The following LETM1 variants were observed in gnomAD, a reference collection of about 807,000 sequenced individuals.
The protein encoded by LETM1 is leucine zipper and EF-hand containing transmembrane protein 1.
LETM1 carries 50 observed loss-of-function variants against 74.5 expected under a neutral mutation model. That is an observed-to-expected ratio of 0.67 (90% CI 0.53 to 0.85). The LOEUF (loss-of-function observed/expected upper bound fraction) is 0.85. LETM1 is among the 40% of genes least tolerant of loss of function. The probability of loss-of-function intolerance (pLI) is 0.00; values close to 1 mark genes in which losing one functional copy is unlikely to be tolerated. For synonymous variants in LETM1, 446 were observed against 407.1 expected (o/e 1.10, Z -1.15); for missense variants, 824 against 967.8 (o/e 0.85, Z 1.97).
At chr4:1,842,284 G>A (rs1018039233) in intron 2 of LETM1, among the ~76,000 whole-genome samples, 2 of 152,136 alleles carry the variant, frequency 1.3e-5, no homozygotes, top group Non-Finnish European at 2.9e-5. Context: ...AAGGGTGCTC[G>A]CTGACCTCAG....
chr4:1,835,017 C>A, intron 4 of LETM1, 35 bp from the exon 5 acceptor site: 1 of 1,600,940 alleles, frequency 6.2e-7, no homozygotes, highest in Non-Finnish European at 8.5e-7. Context: ...ATTCCAACTG[C>A]TCAGACTGTG....
At position 1,828,512 on chromosome 4, in the gene LETM1, C is replaced by A. The variant is rs867039119; in HGVS notation, c.1081-2829G>T. On this transcript the variant is annotated intron_variant, in intron 6 of 13. Coordinates refer to ENST00000302787, the MANE Select transcript of LETM1 (RefSeq NM_012318.3). ...GCTGGCCGGGCAGGGGGGCTGACCC[C>A]CCCCCCCACCTCCCTCCCGGACGGG... is the stretch of plus-strand genomic sequence containing the variant. Among the ~76,000 whole-genome samples the A allele has an allele frequency of 1.3e-3, 155 of 122,964 alleles. 2 individuals are homozygous for A. Among genetic ancestry groups the A allele is most frequent in the Middle Eastern group, 4.9e-3 (1 of 204 alleles). The allele number at this position is 122,964 out of a possible 152,430, so 80.7% of individuals were successfully genotyped here. A position where few individuals can be genotyped will look rare whatever the true frequency, so the allele number is the denominator to read the frequency against.
chr4:1,829,002 C>G (rs1198687165), intron 6 of LETM1, among the ~76,000 whole-genome samples: 4 of 113,020 alleles, frequency 3.5e-5, no homozygotes, highest in African/African-American at 1.2e-4. Context: ...GACCCCCCCC[C>G]ACCTCCCTCC....
chr4:1,830,065 C>T (rs1161393498), intron 6 of LETM1, among the ~76,000 whole-genome samples: 1 of 152,162 alleles, frequency 6.6e-6, no homozygotes, highest in African/African-American at 2.4e-5. Flanking sequence ...GCCATTATTT[C>T]TTGAGGTACT....
In LETM1 at chr4:1,823,723, G is replaced by A. The variant is rs1272251687; in HGVS notation, c.1253C>T (p.Ser418Phe). Residue 418 changes from serine (S) to phenylalanine (F), a missense_variant, in exon 8 of 14, where the codon TCC becomes TTC. Coordinates refer to ENST00000302787, the MANE Select transcript of LETM1 (RefSeq NM_012318.3). ...QEIPTSLLIL[S>F]RAMYLPDTLS... Reference sequence around the variant, plus strand: ...GGTGTCCGGGAGGTACATGGCCCGGGACAGGATGAGCAGCGATGTGGGGAT... The same window carrying A: ...GGTGTCCGGGAGGTACATGGCCCGGAACAGGATGAGCAGCGATGTGGGGAT... 1 of 1,613,864 alleles carries A rather than the reference G, an allele frequency of 6.2e-7. No homozygotes were observed. Among genetic ancestry groups the A allele is most frequent in the Non-Finnish European group, 8.5e-7 (1 of 1,179,892 alleles).
At chr4:1,823,580 C>T (rs200474737) in intron 8 of LETM1, 64 bp downstream of exon 8, 8 of 1,597,514 alleles carry the variant, frequency 5.0e-6, no homozygotes, top group East Asian at 2.2e-5. Flanking sequence ...CACCTCCCCC[C>T]ACCCCAGAAG....
At position 1,841,777 on chromosome 4, in the gene LETM1, C is replaced by T; in HGVS notation, c.164G>A (p.Cys55Tyr). 6.2e-7 allele frequency: 1 copy of T among 1,612,884 alleles called. No homozygotes were observed. The highest frequency in any genetic ancestry group is 8.5e-7 in the Non-Finnish European group (1 of 1,179,618). ...TGTGTACACAGGGTGGATGGGAGTG[C>T]AGCAGCCAAATGGAACATTCCTTGA... ...RNCLNVPFGC[C>Y]TPIHPVYTSS... Residue 55 changes from cysteine (C) to tyrosine (Y), a missense_variant, in exon 3 of 14, where the codon TGC becomes TAC. Cys to Tyr is a radical substitution (Grantham distance 194). Transcript: ENST00000302787.
intron 10 of LETM1, 50 bp downstream of exon 10, chr4:1,822,131 C>T (rs748331303): frequency 6.7e-6 from 9 of 1,351,160 alleles, no homozygotes; most frequent in Non-Finnish European, 8.7e-6. Context: ...GTCCACAAAG[C>T]CAGGCCATGC....
rs1288981929 is a variant in LETM1, at chr4:1,820,991, C to A, written c.1608+1190G>T. On this transcript the variant is annotated intron_variant, in intron 10 of 13. Coordinates refer to ENST00000302787, the MANE Select transcript of LETM1 (RefSeq NM_012318.3). ...GTGAGCCAAGGTCATGTCTGCACTG[C>A]AGACTGGGCAACAGAGTGAGATCCC... 3.9e-5 allele frequency among the ~76,000 whole-genome samples: 6 copies of A among 152,164 alleles called. No individual in the cohort carries two copies. In the East Asian group the frequency reaches 9.7e-4, roughly 24 times the overall value.
Position 1,815,727 on chromosome 4 carries a change from G to T in LETM1, c.2007C>A (p.Thr669=). The change falls in exon 13 of 14, where the codon ACC becomes ACA. Residue 669 remains threonine (T), a synonymous_variant. Coordinates refer to ENST00000302787, the MANE Select transcript of LETM1 (RefSeq NM_012318.3). Reference sequence around the variant, plus strand: ...TTTCATCCAGTGCTGCGGCCAGGCTGGTGAGCTTGCTTTCGGGAATGTGCT... The same window carrying T: ...TTTCATCCAGTGCTGCGGCCAGGCTTGTGAGCTTGCTTTCGGGAATGTGCT... ...QVKHIPESKL[T]SLAAALDENK... 1 of 1,614,248 alleles carries T rather than the reference G, an allele frequency of 6.2e-7. No individual in the cohort carries two copies. Among genetic ancestry groups the T allele is most frequent in the Non-Finnish European group, 8.5e-7 (1 of 1,180,036 alleles).
Position 1,851,789 on chromosome 4 carries a change from C to T in LETM1, c.83-2580G>A, listed in dbSNP as rs186658606. ...CAGCTCCTGTGCCTCAAGGGCTCCG[C>T]CCGGCAAGCAGGCAGGCTGGCAGGT... On this transcript the variant is annotated intron_variant, in intron 1 of 13. Transcript: ENST00000302787. Among the ~76,000 whole-genome samples, 675 of 152,328 alleles carry T rather than the reference C, an allele frequency of 4.4e-3. 6 individuals are homozygous for T. Among genetic ancestry groups the T allele is most frequent in the African/African-American group, 0.016 (651 of 41,572 alleles).
intron 7 of LETM1, among the ~76,000 whole-genome samples, chr4:1,824,311 ACT>A (rs770616294): frequency 5.3e-5 from 8 of 152,176 alleles, no homozygotes; most frequent in South Asian, 2.1e-4. Context: ...ACAGAGCAAG[ACT>A]CTGTCTCAAA....
At chr4:1,855,802 G>A (rs1713221086) in intron 1 of LETM1, 67 bp downstream of exon 1, 3 of 978,498 alleles carry the variant, frequency 3.1e-6, no homozygotes, top group Non-Finnish European at 2.6e-6. Context: ...GCCCGAACCC[G>A]CGGGTCGTCC....
chr4:1,842,490 G>A (rs1368947936), intron 2 of LETM1, among the ~76,000 whole-genome samples: 1 of 152,114 alleles, frequency 6.6e-6, no homozygotes, highest in Non-Finnish European at 1.5e-5. Context: ...AGACCTCCCT[G>A]ACCACTCCAC....
intron 6 of LETM1, among the ~76,000 whole-genome samples, chr4:1,826,654 T>C (rs1047531373): frequency 6.6e-6 from 1 of 152,280 alleles, no homozygotes; most frequent in Non-Finnish European, 1.5e-5. Context: ...GTTAGGCCTC[T>C]CACTGCCATG....
chr4:1,821,645 G>A (rs73202819), intron 10 of LETM1, among the ~76,000 whole-genome samples: 15 of 152,268 alleles, frequency 9.9e-5, no homozygotes, highest in South Asian at 6.2e-4. Context: ...CCGAGATGGC[G>A]CCACTGCACT....
chr4:1,853,293 C>T (rs956682404), intron 1 of LETM1, among the ~76,000 whole-genome samples: 7 of 152,214 alleles, frequency 4.6e-5, no homozygotes, highest in Non-Finnish European at 8.8e-5. Flanking sequence ...GCTCGTAAAG[C>T]GACTTCCTCC....
In LETM1 at chr4:1,814,262, C is replaced by T; in HGVS notation, c.*162G>A. On this transcript the variant is annotated 3_prime_UTR_variant, in exon 14 of 14. Coordinates refer to ENST00000302787, the MANE Select transcript of LETM1 (RefSeq NM_012318.3). The stretch of plus-strand genomic sequence containing the variant: ...CGGGATTCCAGACAGACTGAATCTC[C>T]GTGGAATGATGAAAATTAAAATTTA... The T allele has an allele frequency of 2.6e-6, 3 of 1,136,792 alleles. No individual in the cohort carries two copies. Among genetic ancestry groups the T allele is most frequent in the Non-Finnish European group, 3.8e-6 (3 of 791,674 alleles). The allele number at this position is 1,136,792 out of a possible 1,614,324, so 70.4% of individuals were successfully genotyped here. A position where few individuals can be genotyped will look rare whatever the true frequency, so the allele number is the denominator to read the frequency against.
Position 1,834,885 on chromosome 4 carries a change from T to A in LETM1, c.836A>T (p.Lys279Met), listed in dbSNP as rs1276193753. The change falls in exon 5 of 14, where the codon AAG becomes ATG. Residue 279 changes from lysine to methionine, a missense_variant. Transcript: ENST00000302787. The surrounding 1 kb of genome is among the most constrained non-coding windows in gnomAD (Gnocchi z 5.0). ...EEMALKNKAA[K>M]GSATKDFSVF... ...AGAGAAGTCTTTGGTGGCGCTGCCC[T>A]TGGCTGCCTTGTTCTTCAAGGCCAT... 1.9e-6 allele frequency: 3 copies of A among 1,614,086 alleles called. No individual in the cohort carries two copies. The highest frequency in any genetic ancestry group is 2.5e-6 in the Non-Finnish European group (3 of 1,180,024).
Sources: allele counts gnomAD v4.1 joint callset (sites outside exome capture counted in the v4.1 genomes callset), GRCh38; gene constraint gnomAD v4.1.1; non-coding constraint Gnocchi (gnomAD v3.1); transcripts MANE v1.5; gene names NCBI Gene and HGNC (gene_info 2026-07-23, HGNC 2026-07-21).